Variants in SHISA9 observed in about 807,000 individuals in gnomAD.
SHISA9 encodes the protein shisa family member 9.
SHISA9 carries 13 observed loss-of-function variants against 38.0 expected under a neutral mutation model. The ratio of observed to expected loss-of-function variants is 0.34; its 90% CI spans 0.22 to 0.54. SHISA9 has a LOEUF of 0.54. Among genes scored for constraint, SHISA9 ranks in the 20% least tolerant of loss-of-function variants. The pLI is 0.91. For synonymous variants in SHISA9, 275 were observed against 242.0 expected (o/e 1.14, Z -1.27); for missense variants, 538 against 575.8 (o/e 0.93, Z 0.67).
rs149089110 is a variant in SHISA9 at position 13,121,066 on chromosome 16, C to T, written c.692-82328C>T. Among the ~76,000 whole-genome samples, 816 of 151,864 alleles carry T rather than the reference C, an allele frequency of 5.4e-3. 10 individuals are homozygous for T. The highest frequency in any genetic ancestry group is 0.017 in the African/African-American group (708 of 41,390). ...TTAAAATAACCTGGAGGCTGAGGTG[C>T]GAGTATTGCCTGAGCCCAGGAAGGT... On this transcript the variant is annotated intron_variant, in intron 2 of 4. Transcript: ENST00000558583.
chr16:13,430,156 G>A, the SHISA9 span, among the ~76,000 whole-genome samples: 1 of 152,192 alleles, frequency 6.6e-6, no homozygotes, highest in Non-Finnish European at 1.5e-5. Flanking sequence ...GATCTCAGAC[G>A]TCTTGTCTCT....
chr16:13,110,971 A>T lies in SHISA9; in HGVS notation c.692-92423A>T, dbSNP rs1192852519. ...AGAAGTAAACTCAGACATACAAGAG[A>T]TGTGAAACTGGCTAGCCATATGCAG... On this transcript the variant is annotated intron_variant, in intron 2 of 4. Transcript: ENST00000558583. 5.9e-5 allele frequency among the ~76,000 whole-genome samples: 9 copies of T among 152,262 alleles called. No individual in the cohort carries two copies. In the East Asian group the frequency reaches 1.7e-3, roughly 29 times the overall value.
At chr16:13,363,035 A>G in the SHISA9 span, among the ~76,000 whole-genome samples, 3 of 152,228 alleles carry the variant, frequency 2.0e-5, no homozygotes, top group African/African-American at 7.2e-5. Context: ...GCTATGTTTC[A>G]TTGAACTCAG....
chr16:13,468,798 G>A, the SHISA9 span, among the ~76,000 whole-genome samples: 130 of 151,866 alleles, frequency 8.6e-4, no homozygotes, highest in African/African-American at 3.0e-3. Flanking sequence ...GAAACATAGT[G>A]AGACCCTGTC....
chr16:13,175,330 A>T (rs1345488156), intron 2 of SHISA9, among the ~76,000 whole-genome samples: 1 of 152,262 alleles, frequency 6.6e-6, no homozygotes. Flanking sequence ...TCGAGGCTGC[A>T]GTGAGCCATG....
At chr16:13,255,503 C>T in the SHISA9 span, among the ~76,000 whole-genome samples, 1 of 152,182 alleles carries the variant, frequency 6.6e-6, no homozygotes, top group Non-Finnish European at 1.5e-5. Flanking sequence ...CCATCTTTCA[C>T]TCCTACTTCT....
chr16:13,518,543 T>C, the SHISA9 span, among the ~76,000 whole-genome samples: 1 of 152,152 alleles, frequency 6.6e-6, no homozygotes, highest in Non-Finnish European at 1.5e-5. Context: ...AAGATGCATG[T>C]GTTTTATTAC....
intron 2 of SHISA9, among the ~76,000 whole-genome samples, chr16:13,031,601 G>C (rs1567188628): frequency 6.6e-6 from 1 of 151,846 alleles, no homozygotes; most frequent in East Asian, 2.0e-4. Flanking sequence ...AGTATGAAAA[G>C]CATGTGAGCA....
chr16:13,456,882 C>T, the SHISA9 span, among the ~76,000 whole-genome samples: 2 of 150,990 alleles, frequency 1.3e-5, no homozygotes, highest in African/African-American at 2.4e-5. Flanking sequence ...AAAGTAACAC[C>T]ATCCATGACT....
intron 2 of SHISA9, among the ~76,000 whole-genome samples, chr16:12,997,454 T>G (rs1030492373): frequency 6.8e-6 from 1 of 147,222 alleles, no homozygotes; most frequent in Non-Finnish European, 1.5e-5. Flanking sequence ...TTGGCCAAGG[T>G]GGAGTGCAAT....
chr16:13,424,120 A>G, the SHISA9 span, among the ~76,000 whole-genome samples: 4 of 152,218 alleles, frequency 2.6e-5, no homozygotes, highest in Non-Finnish European at 4.4e-5. Flanking sequence ...GGGATTCTAT[A>G]CAGTATGTAC....
chr16:13,328,591 TACACACACACAC>T, the SHISA9 span, among the ~76,000 whole-genome samples: 4,321 of 139,912 alleles, frequency 0.031, 77 homozygotes, highest in Middle Eastern at 0.052. Flanking sequence ...TATATGTGTA[TACACACACACAC>T]ACACACACAC....
rs1388187034 is a variant in SHISA9, at chr16:12,916,620, A to C, written c.564-68A>C. 2.0e-6 allele frequency: 3 copies of C among 1,510,058 alleles called. No homozygotes were observed. The East Asian group carries it at 7.5e-5, about 38-fold the overall frequency. The allele number at this position is 1,510,058 out of a possible 1,614,324, so 93.5% of individuals were successfully genotyped here. A position where few individuals can be genotyped will look rare whatever the true frequency, so the allele number is the denominator to read the frequency against. ...CTTGCCATTTGTTCGCGACTGCAGTACTCGGCGCATAGCAGCTGCCAGTCA... is the reference window on the plus strand; with the variant it reads ...CTTGCCATTTGTTCGCGACTGCAGTCCTCGGCGCATAGCAGCTGCCAGTCA... On this transcript the variant is annotated intron_variant, in intron 1 of 4. Transcript: ENST00000558583.
intron 2 of SHISA9, among the ~76,000 whole-genome samples, chr16:13,177,702 C>G (rs2050743519): frequency 6.6e-6 from 1 of 152,062 alleles, no homozygotes; most frequent in African/African-American, 2.4e-5. Context: ...CAGAGTCTTA[C>G]TCTGTCGCCC....
the SHISA9 span, among the ~76,000 whole-genome samples, chr16:13,292,540 T>C: frequency 6.6e-6 from 1 of 152,300 alleles, no homozygotes; most frequent in South Asian, 2.1e-4. Context: ...ATATCCAGTG[T>C]GTACTGATTT....
chr16:13,447,698 T>C, the SHISA9 span, among the ~76,000 whole-genome samples: 1 of 152,198 alleles, frequency 6.6e-6, no homozygotes, highest in African/African-American at 2.4e-5. Flanking sequence ...GAACCAAGAA[T>C]GGCCAGGCTA....
chr16:13,105,358 T>A (rs2073915969), intron 2 of SHISA9, among the ~76,000 whole-genome samples: 1 of 152,200 alleles, frequency 6.6e-6, no homozygotes, highest in South Asian at 2.1e-4. Context: ...CTGCATGCTG[T>A]CCCAAGTGGG....
At chr16:13,021,117 CT>C (rs2072847736) in intron 2 of SHISA9, among the ~76,000 whole-genome samples, 1 of 152,004 alleles carries the variant, frequency 6.6e-6, no homozygotes, top group Non-Finnish European at 1.5e-5. Context: ...GTCCTGCTGT[CT>C]CCTTGAGTGC....
At chr16:12,998,866 T>C (rs1007104963) in intron 2 of SHISA9, among the ~76,000 whole-genome samples, 3 of 152,214 alleles carry the variant, frequency 2.0e-5, no homozygotes, top group African/African-American at 7.2e-5. Context: ...ATCCTCATTA[T>C]TCATGGTAGA....
Sources: allele counts gnomAD v4.1 joint callset (sites outside exome capture counted in the v4.1 genomes callset), GRCh38; gene constraint gnomAD v4.1.1; transcripts MANE v1.5; gene names NCBI Gene and HGNC (gene_info 2026-07-23, HGNC 2026-07-21).